AKAP6: variants seen among roughly 807,000 people sequenced by gnomAD.
AKAP6 encodes A-kinase anchoring protein 6, also known as A-kinase anchor protein 6.
In AKAP6, 58 loss-of-function variants were observed where a neutral mutation model predicts 188.5. The ratio of observed to expected loss-of-function variants is 0.31; its 90% CI spans 0.25 to 0.38. AKAP6 has a LOEUF of 0.38. Among genes scored for constraint, AKAP6 ranks in the 10% least tolerant of loss-of-function variants. The pLI is 1.00. For missense variants in AKAP6, 2,710 were observed against 2,740.0 expected (o/e 0.99, Z 0.24); for synonymous variants, 989 against 998.6 (o/e 0.99, Z 0.18).
chr14:32,641,378 C>T (rs1437437951), intron 7 of AKAP6, among the ~76,000 whole-genome samples: 1 of 150,458 alleles, frequency 6.6e-6, no homozygotes, highest in Non-Finnish European at 1.5e-5. Context: ...TGGCTCACAC[C>T]TGTAATCCCA....
chr14:32,538,208 T>C (rs916877976), intron 3 of AKAP6, among the ~76,000 whole-genome samples: 1 of 152,238 alleles, frequency 6.6e-6, no homozygotes, highest in Non-Finnish European at 1.5e-5. Context: ...CTTAGTTTTA[T>C]TTATTTCTGC....
At chr14:32,471,737 CTG>C (rs1878796755) in intron 2 of AKAP6, among the ~76,000 whole-genome samples, 1 of 152,188 alleles carries the variant, frequency 6.6e-6, no homozygotes, top group Admixed American at 6.5e-5. Flanking sequence ...ATGGTATAAA[CTG>C]TTTTTATTAT....
intron 8 of AKAP6, among the ~76,000 whole-genome samples, chr14:32,689,287 A>T (rs1890065071): frequency 6.6e-6 from 1 of 152,160 alleles, no homozygotes; most frequent in Non-Finnish European, 1.5e-5. Flanking sequence ...GTTATAGATT[A>T]TCTCGTTGGT....
In AKAP6 at chr14:32,824,244, CG is replaced by C. The variant is rs2034616255; in HGVS notation, c.6434del (p.Gly2145AlafsTer2). 1 of 1,613,810 alleles carries C rather than the reference CG, an allele frequency of 6.2e-7. No individual in the cohort carries two copies. Among genetic ancestry groups the C allele is most frequent in the Non-Finnish European group, 8.5e-7 (1 of 1,179,958 alleles). ...STPLPLDTTD[S>X]GLDDKEDIEC... ...CCATTGCCACTAGACACCACTGACT[CG>C]GGCTTAGATGACAAGGAAGATATTG... On this transcript the variant is annotated frameshift_variant, in exon 13 of 14. Coordinates refer to ENST00000280979, the MANE Select transcript of AKAP6 (RefSeq NM_004274.5). LOFTEE classifies it high-confidence loss of function.
chr14:32,384,475 T>C (rs1888465421), intron 1 of AKAP6, among the ~76,000 whole-genome samples: 1 of 152,196 alleles, frequency 6.6e-6, no homozygotes, highest in South Asian at 2.1e-4. Context: ...GGATAGCTGA[T>C]AATGGCTACC....
intron 13 of AKAP6, among the ~76,000 whole-genome samples, chr14:32,826,281 T>C (rs1161200357): frequency 1.3e-5 from 2 of 152,184 alleles, no homozygotes; most frequent in Non-Finnish European, 2.9e-5. Context: ...TCAGACTCTA[T>C]TTACAATTGG....
chr14:32,756,055 G>A (rs1444810981), intron 11 of AKAP6, among the ~76,000 whole-genome samples: 2 of 152,216 alleles, frequency 1.3e-5, no homozygotes, highest in South Asian at 2.1e-4. Flanking sequence ...TCCATGGCCA[G>A]GCTGGCCTGC....
chr14:32,748,319 G>A (rs1465586180), intron 11 of AKAP6, among the ~76,000 whole-genome samples: 1 of 152,112 alleles, frequency 6.6e-6, no homozygotes, highest in Admixed American at 6.5e-5. Flanking sequence ...CTTCCTGAAA[G>A]CTCCAGGTTT....
intron 11 of AKAP6, among the ~76,000 whole-genome samples, chr14:32,773,143 T>C (rs8012632): frequency 0.72 from 108,956 of 151,902 alleles, 40,804 homozygotes; most frequent in Non-Finnish European, 0.82. Context: ...AATCAAGCTT[T>C]GGAAGAGGAA....
At chr14:32,451,062 T>C (rs1345933287) in intron 2 of AKAP6, among the ~76,000 whole-genome samples, 1 of 152,186 alleles carries the variant, frequency 6.6e-6, no homozygotes, top group Non-Finnish European at 1.5e-5. Flanking sequence ...TGCAAGTGGA[T>C]TGGAATTTGG....
rs370871227 is a variant in AKAP6 at position 32,545,793 on chromosome 14, C to T, written c.1140C>T (p.Asn380=). 33 of 1,614,074 alleles carry T rather than the reference C, an allele frequency of 2.0e-5. No homozygotes were observed. Among genetic ancestry groups the T allele is most frequent in the Admixed American group, 8.3e-5 (5 of 60,004 alleles). Residue 380 remains asparagine, a synonymous_variant, in exon 4 of 14, where the codon AAC becomes AAT. Coordinates refer to ENST00000280979, the MANE Select transcript of AKAP6 (RefSeq NM_004274.5). ...KRTIRDCFNY[N]EDSPTQPTLP... ...CCATCAGAGATTGCTTTAATTATAACGAGGACTCTCCCACGCAGCCTACAT... is the reference window on the plus strand; with the variant it reads ...CCATCAGAGATTGCTTTAATTATAATGAGGACTCTCCCACGCAGCCTACAT...
At chr14:32,575,950 T>A (rs939919252) in intron 4 of AKAP6, among the ~76,000 whole-genome samples, 3 of 152,126 alleles carry the variant, frequency 2.0e-5, no homozygotes, top group Admixed American at 2.0e-4. Context: ...TTTGTTTTTT[T>A]ACTTACCACT....
At chr14:32,729,182 C>T (rs2031042369) in intron 9 of AKAP6, among the ~76,000 whole-genome samples, 2 of 152,002 alleles carry the variant, frequency 1.3e-5, no homozygotes, top group African/African-American at 2.4e-5. Flanking sequence ...TTCAAAATGG[C>T]TTATTCTTCT....
Position 32,766,690 on chromosome 14 carries a change from C to T in AKAP6, c.3373-6988C>T, listed in dbSNP as rs80133190. 2.1e-4 allele frequency among the ~76,000 whole-genome samples: 32 copies of T among 152,170 alleles called. No individual in the cohort carries two copies. The East Asian group carries it at 5.4e-3, about 26-fold the overall frequency. ...TTTGTCCATTTAAAAAATTGAGTTA[C>T]TGGTCTTGATATTTTCTCCCATTCT... is the stretch of plus-strand genomic sequence containing the variant. On this transcript the variant is annotated intron_variant, in intron 11 of 13. Transcript: ENST00000280979.
chr14:32,612,261 C>G (rs1048660622), intron 7 of AKAP6, among the ~76,000 whole-genome samples: 1 of 152,136 alleles, frequency 6.6e-6, no homozygotes, highest in Non-Finnish European at 1.5e-5. Flanking sequence ...CAAGTGATTA[C>G]CATCCATCAT....
chr14:32,774,741 A>G (rs1351463939), intron 12 of AKAP6, among the ~76,000 whole-genome samples: 1 of 141,754 alleles, frequency 7.1e-6, no homozygotes, highest in Non-Finnish European at 1.5e-5. Flanking sequence ...ATATAAATGG[A>G]ATGCATACAT....
intron 2 of AKAP6, among the ~76,000 whole-genome samples, chr14:32,523,961 G>A (rs1881993526): frequency 6.6e-6 from 1 of 152,144 alleles, no homozygotes; most frequent in Admixed American, 6.5e-5. Context: ...AATCCAAATT[G>A]TGGAAAACTC....
chr14:32,515,645 TG>T (rs1188769184), intron 2 of AKAP6, among the ~76,000 whole-genome samples: 2 of 152,144 alleles, frequency 1.3e-5, no homozygotes, highest in Non-Finnish European at 2.9e-5. Flanking sequence ...CAGCAATCTA[TG>T]GGGATACAGA....
At chr14:32,458,719 A>G (rs11623071) in intron 2 of AKAP6, among the ~76,000 whole-genome samples, 54,321 of 152,012 alleles carry the variant, frequency 0.36, 11,297 homozygotes, top group Non-Finnish European at 0.48. Flanking sequence ...AACAATTGAG[A>G]AAATGATAGA....
Sources: gnomAD v4.1 joint callset for allele counts (sites outside exome capture counted in the v4.1 genomes callset) on GRCh38, gnomAD v4.1.1 for gene constraint, MANE v1.5 for transcripts, NCBI Gene and HGNC (gene_info 2026-07-23, HGNC 2026-07-21) for gene names.